The following GALNTL6 variants were observed in gnomAD, a reference collection of about 807,000 sequenced individuals.
GALNTL6 encodes the protein polypeptide N-acetylgalactosaminyltransferase-like 6.
In GALNTL6, 46 loss-of-function variants were observed where a neutral mutation model predicts 73.7. That is an observed-to-expected ratio of 0.62 (90% CI 0.49 to 0.80). The LOEUF is 0.80. Ranked by LOEUF, GALNTL6 falls within the 30% of genes least tolerant of loss-of-function variation. The probability of loss-of-function intolerance (pLI) is 0.00; values close to 1 mark genes in which losing one functional copy is unlikely to be tolerated. For missense variants in GALNTL6, 604 were observed against 755.0 expected, an observed-to-expected ratio of 0.80 and a Z score of 2.34; for synonymous variants, 259 against 263.7, an observed-to-expected ratio of 0.98 and a Z score of 0.17.
chr4:171,890,622 G>T (rs1331942327), intron 2 of GALNTL6, among the ~76,000 whole-genome samples: 2 of 151,944 alleles, frequency 1.3e-5, no homozygotes, highest in East Asian at 1.9e-4. Context: ...TTATTTTATT[G>T]CAATAAGCAT....
chr4:172,674,295 ATCTCT>A (rs1292251945), intron 5 of GALNTL6, among the ~76,000 whole-genome samples: 1 of 152,102 alleles, frequency 6.6e-6, no homozygotes, highest in African/African-American at 2.4e-5. Flanking sequence ...TTGGCCCTCC[ATCTCT>A]TCTGTATTGT....
chr4:172,693,138 C>T (rs1159900166), intron 5 of GALNTL6, among the ~76,000 whole-genome samples: 1 of 152,002 alleles, frequency 6.6e-6, no homozygotes, highest in Non-Finnish European at 1.5e-5. Flanking sequence ...GGTATATGAC[C>T]TCAAATTCCT....
intron 5 of GALNTL6, among the ~76,000 whole-genome samples, chr4:172,515,974 C>T (rs1029634137): frequency 1.1e-4 from 16 of 152,178 alleles, no homozygotes; most frequent in African/African-American, 3.6e-4. Context: ...GAATTAGTAA[C>T]TCTATATGCA....
chr4:172,802,672 G>T (rs1740715235), intron 5 of GALNTL6, among the ~76,000 whole-genome samples: 1 of 152,092 alleles, frequency 6.6e-6, no homozygotes. Flanking sequence ...GCATGGTGGT[G>T]CATGGTTGTA....
intron 7 of GALNTL6, among the ~76,000 whole-genome samples, chr4:172,873,869 A>G (rs1411130373): frequency 2.0e-5 from 3 of 152,208 alleles, no homozygotes; most frequent in Non-Finnish European, 2.9e-5. Flanking sequence ...TCCATGCCAC[A>G]TGCAGTAAAT....
Position 172,339,314 on chromosome 4 carries a change from C to CACACACACAG in GALNTL6, c.387-9208_387-9207insCACACACAGA, listed in dbSNP as rs1254394266. Reference sequence around the variant, plus strand: ...ACACACACACACACACACACACACACAGAGTTTCCAGGTCACCAAGTTGGT... The same window carrying CACACACACAG: ...ACACACACACACACACACACACACACACACACACAGAGAGTTTCCAGGTCACCAAGTTGGT... On this transcript the variant is annotated intron_variant, in intron 4 of 12. Transcript: ENST00000506823. Among the ~76,000 whole-genome samples, 4 of 138,286 alleles carry CACACACACAG rather than the reference C, an allele frequency of 2.9e-5. No individual in the cohort carries two copies. The East Asian group carries it at 8.5e-4, about 29-fold the overall frequency. 90.7% of individuals were successfully genotyped at this position (138,286 alleles called of 152,430 possible). A position where few individuals can be genotyped will look rare whatever the true frequency, so the allele number is the denominator to read the frequency against.
intron 2 of GALNTL6, among the ~76,000 whole-genome samples, chr4:172,170,456 G>T (rs1339024346): frequency 2.0e-5 from 3 of 149,754 alleles, no homozygotes; most frequent in African/African-American, 7.4e-5. Context: ...CTGTGAGTCA[G>T]TTAAACCTCT....
At chr4:172,167,821 C>T (rs1206830010) in intron 2 of GALNTL6, among the ~76,000 whole-genome samples, 57 of 147,040 alleles carry the variant, frequency 3.9e-4, no homozygotes, top group Non-Finnish European at 1.5e-4. Flanking sequence ...TAGCCGGGCG[C>T]GGTGGCGGGC....
intron 2 of GALNTL6, among the ~76,000 whole-genome samples, chr4:171,903,864 G>T (rs866886468): frequency 3.9e-5 from 6 of 152,204 alleles, no homozygotes; most frequent in Middle Eastern, 3.4e-3. Context: ...TAACTGGCAG[G>T]CACCCCCCAG....
chr4:172,443,357 G>A (rs757732629), intron 5 of GALNTL6, among the ~76,000 whole-genome samples: 3 of 150,980 alleles, frequency 2.0e-5, no homozygotes, highest in African/African-American at 4.9e-5. Context: ...GTAGAGACGG[G>A]TTTTTACCAT....
chr4:172,895,963 G>A (rs1230342166), intron 8 of GALNTL6, among the ~76,000 whole-genome samples: 1 of 152,014 alleles, frequency 6.6e-6, no homozygotes, highest in East Asian at 1.9e-4. Flanking sequence ...ATTTCTCTGT[G>A]ATTTTTATTA....
At chr4:172,137,628 C>T (rs751924137) in intron 2 of GALNTL6, among the ~76,000 whole-genome samples, 1 of 151,878 alleles carries the variant, frequency 6.6e-6, no homozygotes, top group African/African-American at 2.4e-5. Flanking sequence ...CTTTAGAAAA[C>T]AAAACAAGAA....
At chr4:172,236,095 T>A (rs1737231192) in intron 3 of GALNTL6, among the ~76,000 whole-genome samples, 1 of 152,298 alleles carries the variant, frequency 6.6e-6, no homozygotes, top group South Asian at 2.1e-4. Flanking sequence ...GGAAACTAAA[T>A]TCCCGTCTGA....
chr4:172,562,969 T>G (rs1246434875), intron 5 of GALNTL6, among the ~76,000 whole-genome samples: 1 of 152,218 alleles, frequency 6.6e-6, no homozygotes, highest in Admixed American at 6.5e-5. Flanking sequence ...CTGTCCATTT[T>G]GTGCTCCCAT....
chr4:172,937,735 G>A (rs1265653289), intron 9 of GALNTL6, among the ~76,000 whole-genome samples: 5 of 152,206 alleles, frequency 3.3e-5, no homozygotes, highest in Admixed American at 2.0e-4. Context: ...AGTAATCCAC[G>A]TATTCCAATG....
chr4:173,034,182 T>G (rs1753588195), intron 12 of GALNTL6, among the ~76,000 whole-genome samples: 1 of 152,166 alleles, frequency 6.6e-6, no homozygotes, highest in South Asian at 2.1e-4. Flanking sequence ...CTCATCCCCA[T>G]TGGTCTCGTT....
intron 2 of GALNTL6, among the ~76,000 whole-genome samples, chr4:171,833,804 G>C (rs1735036239): frequency 6.6e-6 from 1 of 151,732 alleles, no homozygotes; most frequent in Non-Finnish European, 1.5e-5. Flanking sequence ...AATTATTTTA[G>C]AACGTGCTTA....
chr4:172,929,668 A>T (rs1393534245), intron 8 of GALNTL6, among the ~76,000 whole-genome samples: 1 of 152,190 alleles, frequency 6.6e-6, no homozygotes, highest in African/African-American at 2.4e-5. Context: ...AAGTCCACTG[A>T]TTTCAAATGT....
intron 2 of GALNTL6, among the ~76,000 whole-genome samples, chr4:172,150,518 G>A (rs1303128073): frequency 6.6e-6 from 1 of 152,198 alleles, no homozygotes; most frequent in African/African-American, 2.4e-5. Flanking sequence ...TTTTGAGAAA[G>A]TGTTCTTTTA....
Sources: allele counts gnomAD v4.1 joint callset (sites outside exome capture counted in the v4.1 genomes callset), GRCh38; gene constraint gnomAD v4.1.1; transcripts MANE v1.5; gene names NCBI Gene and HGNC (gene_info 2026-07-23, HGNC 2026-07-21).